FSTL4: variants seen among roughly 807,000 people sequenced by gnomAD.
FSTL4 encodes follistatin-related protein 4.
A neutral mutation model predicts 78.2 loss-of-function variants in FSTL4; 28 were observed. The observed-to-expected ratio is 0.36, with a 90% CI of 0.27 to 0.49. The LOEUF (loss-of-function observed/expected upper bound fraction) is 0.49, where lower values mean the gene tolerates loss of function less well. FSTL4 is among the 20% of genes least tolerant of loss of function. The probability of loss-of-function intolerance (pLI) is 0.98; values close to 1 mark genes in which losing one functional copy is unlikely to be tolerated. For missense variants in FSTL4, 922 were observed against 1,084.9 expected (o/e 0.85, Z 2.11); for synonymous variants, 422 against 440.5 (o/e 0.96, Z 0.53).
intron 4 of FSTL4, among the ~76,000 whole-genome samples, chr5:133,400,107 C>T (rs1264555239): frequency 6.6e-6 from 1 of 152,212 alleles, no homozygotes; most frequent in South Asian, 2.1e-4. Flanking sequence ...TGGTTCTTAC[C>T]GTCTAGTGGG....
At chr5:133,828,949 A>G in the FSTL4 span, among the ~76,000 whole-genome samples, 8,769 of 152,240 alleles carry the variant, frequency 0.058, 456 homozygotes, top group African/African-American at 0.14. Context: ...GGAGCCACAT[A>G]ACAGCGGGCA....
the FSTL4 span, among the ~76,000 whole-genome samples, chr5:133,690,068 CACAA>C: frequency 6.2e-4 from 93 of 149,806 alleles, no homozygotes; most frequent in East Asian, 1.8e-3. Flanking sequence ...TTTCAAAACA[CACAA>C]ACAAACAAAC....
At chr5:133,786,445 C>T in the FSTL4 span, among the ~76,000 whole-genome samples, 1 of 152,172 alleles carries the variant, frequency 6.6e-6, no homozygotes, top group Admixed American at 6.5e-5. Context: ...ACCTGAATCC[C>T]ATCTGTAATG....
the FSTL4 span, among the ~76,000 whole-genome samples, chr5:133,836,284 A>T: frequency 3.3e-5 from 5 of 151,862 alleles, no homozygotes; most frequent in South Asian, 8.3e-4. Context: ...TCACTATCTC[A>T]TTTTTCTTCA....
chr5:133,359,013 C>T (rs1307237529), intron 4 of FSTL4, among the ~76,000 whole-genome samples: 2 of 152,172 alleles, frequency 1.3e-5, no homozygotes, highest in African/African-American at 4.8e-5. Flanking sequence ...AATTCTCACA[C>T]GGTGGGGTCT....
At chr5:133,479,655 G>A (rs1340202009) in intron 3 of FSTL4, among the ~76,000 whole-genome samples, 2 of 152,198 alleles carry the variant, frequency 1.3e-5, no homozygotes, top group Admixed American at 6.5e-5. Context: ...GTGACAAAAA[G>A]TGAGTTAGGG....
intron 2 of FSTL4, among the ~76,000 whole-genome samples, chr5:133,591,780 T>G (rs1011340495): frequency 6.6e-6 from 1 of 151,808 alleles, no homozygotes; most frequent in Non-Finnish European, 1.5e-5. Flanking sequence ...GAGGGAGAAA[T>G]GGAGAAGGGA....
intron 6 of FSTL4, among the ~76,000 whole-genome samples, chr5:133,277,106 G>C (rs1752901161): frequency 6.6e-6 from 1 of 152,214 alleles, no homozygotes; most frequent in South Asian, 2.1e-4. Context: ...GAGGTCGGGA[G>C]TTTGAAATCA....
chr5:133,566,852 C>A (rs1328845957), intron 3 of FSTL4, among the ~76,000 whole-genome samples: 1 of 152,164 alleles, frequency 6.6e-6, no homozygotes, highest in Non-Finnish European at 1.5e-5. Context: ...GTGTTGTTCA[C>A]GTTGCTTTGC....
At position 133,375,313 on chromosome 5, in the gene FSTL4, A is replaced by ATATATATATATATATAT. The variant is rs1354744825; in HGVS notation, c.409+25424_409+25425insATATATATATATATATA. Among the ~76,000 whole-genome samples the ATATATATATATATATAT allele has an allele frequency of 2.5e-3, 77 of 31,094 alleles. 2 individuals carry two copies. Among genetic ancestry groups the ATATATATATATATATAT allele is most frequent in the Middle Eastern group, 0.059 (2 of 34 alleles). The allele number at this position is 31,094 out of a possible 152,430, so 20.4% of individuals were successfully genotyped here. A position where few individuals can be genotyped will look rare whatever the true frequency, so the allele number is the denominator to read the frequency against. The stretch of plus-strand genomic sequence containing the variant: ...TGGCATATATATATATATATATATA[A>ATATATATATATATATAT]AAGACTCTAAAGTTACATACCAAAA... On this transcript the variant is annotated intron_variant, in intron 4 of 15. Coordinates refer to ENST00000265342, the MANE Select transcript of FSTL4 (RefSeq NM_015082.2).
intron 4 of FSTL4, among the ~76,000 whole-genome samples, chr5:133,333,613 G>A (rs1208332230): frequency 2.0e-5 from 3 of 152,216 alleles, no homozygotes; most frequent in Non-Finnish European, 2.9e-5. Context: ...CTCATCCAGG[G>A]CTGAGAAATG....
chr5:133,326,133 A>C (rs1250721734), intron 4 of FSTL4, among the ~76,000 whole-genome samples: 6 of 152,244 alleles, frequency 3.9e-5, no homozygotes, highest in Non-Finnish European at 7.3e-5. Flanking sequence ...GCTGGAGTTT[A>C]GCTTAAGAGG....
At chr5:133,730,335 C>T in the FSTL4 span, among the ~76,000 whole-genome samples, 1 of 152,208 alleles carries the variant, frequency 6.6e-6, no homozygotes, top group Admixed American at 6.5e-5. Context: ...TTTTTCTTCT[C>T]ACTGTGTCTT....
chr5:133,427,605 G>A (rs1181154408), intron 3 of FSTL4: 2 of 523,276 alleles, frequency 3.8e-6, no homozygotes, highest in Non-Finnish European at 7.9e-6. Flanking sequence ...TGGCGGGGGC[G>A]ATAGGGGTAA....
chr5:133,779,406 G>A, the FSTL4 span, among the ~76,000 whole-genome samples: 1 of 152,130 alleles, frequency 6.6e-6, no homozygotes, highest in Admixed American at 6.5e-5. Context: ...CTAACACGGT[G>A]AAACCCCATT....
chr5:133,450,280 A>G (rs550535114), intron 3 of FSTL4, among the ~76,000 whole-genome samples: 43 of 152,330 alleles, frequency 2.8e-4, no homozygotes, highest in Non-Finnish European at 3.1e-4. Flanking sequence ...GACATGCATT[A>G]TGGATCTCCC....
chr5:133,273,793 A>T (rs558719312), intron 6 of FSTL4, among the ~76,000 whole-genome samples: 1 of 152,248 alleles, frequency 6.6e-6, no homozygotes, highest in East Asian at 1.9e-4. Flanking sequence ...TCCAGGGATA[A>T]CAGGGAGCTC....
In FSTL4 at chr5:133,335,213, C is replaced by T. The variant is rs1389280386; in HGVS notation, c.410-18561G>A. Among the ~76,000 whole-genome samples, 5 of 152,216 alleles carry T rather than the reference C, an allele frequency of 3.3e-5. No homozygotes were observed. In the East Asian group the frequency reaches 7.8e-4, roughly 24 times the overall value. ...TTCTTGGTGAGGGTTTGTCATGGGCCCTGACATAAAACTGGGCCTCCTTGG... is the reference window on the plus strand; with the variant it reads ...TTCTTGGTGAGGGTTTGTCATGGGCTCTGACATAAAACTGGGCCTCCTTGG... On this transcript the variant is annotated intron_variant, in intron 4 of 15. Transcript: ENST00000265342.
chr5:133,738,471 G>T, the FSTL4 span, among the ~76,000 whole-genome samples: 1 of 152,140 alleles, frequency 6.6e-6, no homozygotes, highest in Non-Finnish European at 1.5e-5. Context: ...ACCTAAGGAT[G>T]GACCACATGA....
Sources: gnomAD v4.1 joint callset for allele counts (sites outside exome capture counted in the v4.1 genomes callset) on GRCh38, gnomAD v4.1.1 for gene constraint, MANE v1.5 for transcripts, NCBI Gene and HGNC (gene_info 2026-07-23, HGNC 2026-07-21) for gene names.